The following TACC2 variants were observed in gnomAD, a reference collection of about 807,000 sequenced individuals.
TACC2 encodes the protein transforming acidic coiled-coil-containing protein 2.
Under a neutral mutation model 227.3 loss-of-function variants are expected in TACC2, and 137 were observed. The ratio of observed to expected loss-of-function variants is 0.60; its 90% CI spans 0.52 to 0.69. The LOEUF (loss-of-function observed/expected upper bound fraction) is 0.69, where lower values mean the gene tolerates loss of function less well. Among genes scored for constraint, TACC2 ranks in the 30% least tolerant of loss-of-function variants. TACC2 has a pLI of 0.00. For missense variants in TACC2, 3,470 were observed against 3,694.4 expected, an observed-to-expected ratio of 0.94 and a Z score of 1.57; for synonymous variants, 1,523 against 1,487.5, an observed-to-expected ratio of 1.02 and a Z score of -0.55.
rs773254764 is a variant in TACC2, at chr10:122,195,119, C to T, written c.5914C>T (p.Pro1972Ser). The change falls in exon 8 of 23, where the codon CCC (proline) becomes TCC (serine). Residue 1972 changes from proline (P) to serine (S), a missense_variant. Pro to Ser is a moderately conservative substitution (Grantham distance 74, BLOSUM62 -1). Transcript: ENST00000369005. The part of the protein sequence containing the change: ...VKAPPAPPPP[P>S]PEVIPEPEVS... ...AGCTCCGCCAGCTCCACCCCCACCA[C>T]CCCCCGAAGTCATCCCAGAACCCGA... 4 of 1,612,140 alleles carry T rather than the reference C, an allele frequency of 2.5e-6. No individual in the cohort carries two copies. The highest frequency in any genetic ancestry group is 3.4e-6 in the Non-Finnish European group (4 of 1,178,858).
At chr10:122,061,932 C>T (rs1305567513) in intron 3 of TACC2, among the ~76,000 whole-genome samples, 1 of 151,452 alleles carries the variant, frequency 6.6e-6, no homozygotes, top group Admixed American at 6.6e-5. Context: ...AAAAGACAGT[C>T]CCAGGCAGAG....
chr10:122,131,177 C>CAA (rs10572276), intron 5 of TACC2, among the ~76,000 whole-genome samples: 993 of 95,264 alleles, frequency 0.01, 15 homozygotes, highest in African/African-American at 0.036. Flanking sequence ...GACGCTTTCT[C>CAA]AAAAAAAAAA....
At chr10:122,153,920 C>T (rs1214648543) in intron 7 of TACC2, among the ~76,000 whole-genome samples, 1 of 152,170 alleles carries the variant, frequency 6.6e-6, no homozygotes, top group Non-Finnish European at 1.5e-5. Context: ...GAGCAACCAA[C>T]CTGTCTTCCT....
At chr10:122,034,927 CAA>C (rs66566854) in intron 2 of TACC2, among the ~76,000 whole-genome samples, 47,997 of 115,698 alleles carry the variant, frequency 0.41, 8,300 homozygotes, top group South Asian at 0.51. Flanking sequence ...GACTCCATCT[CAA>C]AAAAAAAAAA....
At chr10:122,160,003 A>G (rs2092723099) in intron 7 of TACC2, among the ~76,000 whole-genome samples, 1 of 152,238 alleles carries the variant, frequency 6.6e-6, no homozygotes, top group South Asian at 2.1e-4. Flanking sequence ...CCTCTGTGGG[A>G]CTGAAGAGGC....
Position 122,050,629 on chromosome 10 carries a change from C to A in TACC2, c.146+79C>A. 2 of 1,215,466 alleles carry A rather than the reference C, an allele frequency of 1.6e-6. No individual in the cohort carries two copies. Among genetic ancestry groups the A allele is most frequent in the Non-Finnish European group, 2.4e-6 (2 of 839,628 alleles). 75.3% of individuals were successfully genotyped at this position (1,215,466 alleles called of 1,614,324 possible). On this transcript the variant is annotated intron_variant, in intron 3 of 22. Transcript: ENST00000369005. The surrounding 1 kb of genome is among the most constrained non-coding windows in gnomAD (Gnocchi z 4.6). ...GCCTGCTCCAGCATTAGCTTTGCCC[C>A]ATTTGCTTTGGAAACTGGACCCTTA...
intron 8 of TACC2, among the ~76,000 whole-genome samples, chr10:122,195,784 G>A (rs2094547803): frequency 1.3e-5 from 2 of 152,170 alleles, no homozygotes; most frequent in African/African-American, 4.8e-5. Context: ...GCGCCTCCCA[G>A]TTACACCAGC....
chr10:122,077,530 T>G (rs1225422240), intron 3 of TACC2, among the ~76,000 whole-genome samples: 2 of 151,976 alleles, frequency 1.3e-5, no homozygotes, highest in Non-Finnish European at 2.9e-5. Flanking sequence ...GATGCATGGC[T>G]GGGGAGCTTC....
rs539844329 is a variant in TACC2 at position 122,119,444 on chromosome 10, G to A, written c.5574-13165G>A. On this transcript the variant is annotated intron_variant, in intron 5 of 22. Coordinates refer to ENST00000369005, the MANE Select transcript of TACC2 (RefSeq NM_206862.4). ...GTGCCCAGTGTTCTGGTGAGTCAGC[G>A]CACCTGTGGATTTGGTGCACTGGCT... 4.6e-5 allele frequency among the ~76,000 whole-genome samples: 7 copies of A among 152,258 alleles called. No homozygotes were observed. In the South Asian group the frequency reaches 6.2e-4, roughly 14 times the overall value.
chr10:122,119,269 A>G (rs1422207624), intron 5 of TACC2, among the ~76,000 whole-genome samples: 3 of 152,184 alleles, frequency 2.0e-5, no homozygotes, highest in African/African-American at 7.2e-5. Flanking sequence ...CTGAAGCTCA[A>G]AGAGGTTAAT....
At chr10:122,216,240 C>T (rs2095403128) in intron 10 of TACC2, among the ~76,000 whole-genome samples, 1 of 152,168 alleles carries the variant, frequency 6.6e-6, no homozygotes, top group African/African-American at 2.4e-5. Context: ...CCTTTTTCTG[C>T]CTCCAGGGAC....
chr10:122,226,419 T>G lies in TACC2; in HGVS notation c.7662T>G (p.Ser2554=). The change falls in exon 13 of 23, where the codon TCT becomes TCG. Residue 2554 remains serine (S), a synonymous_variant. Coordinates refer to ENST00000369005, the MANE Select transcript of TACC2 (RefSeq NM_206862.4). ...KQALYLMFDT[S]QESPVKSSPV... is the part of the protein sequence containing the mutation. ...CCTTGTACCTTATGTTTGACACTTC[T>G]CAGGAGAGCCCTGTCAAGTCATCTC... is the stretch of plus-strand genomic sequence containing the variant. 1 of 1,614,080 alleles carries G rather than the reference T, an allele frequency of 6.2e-7. No homozygotes were observed. The highest frequency in any genetic ancestry group is 8.5e-7 in the Non-Finnish European group (1 of 1,180,010).
At chr10:122,017,990 C>T (rs1245741024) in intron 1 of TACC2, among the ~76,000 whole-genome samples, 2 of 132,338 alleles carry the variant, frequency 1.5e-5, no homozygotes, top group Non-Finnish European at 3.1e-5. Context: ...AGACCTCATT[C>T]GTTTTATTTA....
rs1391736896 is a variant in TACC2, at chr10:122,087,884, C to G, written c.5384C>G (p.Ser1795Cys). ...IPAGDGKVCV[S>C]SPPEPDETHD... The stretch of plus-strand genomic sequence containing the variant: ...GCTGGGGATGGGAAGGTGTGCGTCT[C>G]CTCACCTCCAGAGCCTGACGAAACT... Residue 1795 changes from serine to cysteine, a missense_variant, in exon 4 of 23, where the codon TCC (serine) becomes TGC (cysteine). Around this residue, in one of 10 missense-constraint regions of TACC2, gnomAD observed 1,924 missense variants for 1,978.3 expected, o/e 0.97. Transcript: ENST00000369005. 6.6e-7 allele frequency: 1 copy of G among 1,518,030 alleles called. No individual in the cohort carries two copies. The highest frequency in any genetic ancestry group is 8.8e-7 in the Non-Finnish European group (1 of 1,134,202). The allele number at this position is 1,518,030 out of a possible 1,614,324, so 94.0% of individuals were successfully genotyped here.
At chr10:122,236,399 G>A (rs894261353) in intron 16 of TACC2, among the ~76,000 whole-genome samples, 44 of 152,164 alleles carry the variant, frequency 2.9e-4, no homozygotes, top group Non-Finnish European at 8.8e-5. Context: ...GTAGAGGTTC[G>A]CTGGGCAGCC....
At chr10:122,131,685 C>A (rs1476734043) in intron 5 of TACC2, among the ~76,000 whole-genome samples, 1 of 152,268 alleles carries the variant, frequency 6.6e-6, no homozygotes, top group Non-Finnish European at 1.5e-5. Flanking sequence ...TGAACCTGTC[C>A]TTTTATTATT....
At chr10:122,199,675 GA>G (rs1411267899) in intron 8 of TACC2, among the ~76,000 whole-genome samples, 1 of 152,174 alleles carries the variant, frequency 6.6e-6, no homozygotes, top group Non-Finnish European at 1.5e-5. Context: ...GACAGCTGAT[GA>G]CAGCACACTG....
intron 8 of TACC2, among the ~76,000 whole-genome samples, chr10:122,201,266 T>C (rs75657093): frequency 5.9e-5 from 7 of 117,904 alleles, no homozygotes; most frequent in African/African-American, 1.1e-4. Context: ...CCACCTCACC[T>C]GCCCACAGTG....
Position 122,254,150 on chromosome 10 carries a change from A to G in TACC2, c.*94A>G, listed in dbSNP as rs775580610. On this transcript the variant is annotated 3_prime_UTR_variant, in exon 23 of 23. Coordinates refer to ENST00000369005, the MANE Select transcript of TACC2 (RefSeq NM_206862.4). ...AGTTCCATGGACAGGTTCTGTTTTC[A>G]CTTTTTCGTATGCACTACTGTATTT... 18 of 1,032,520 alleles carry G rather than the reference A, an allele frequency of 1.7e-5. No individual in the cohort carries two copies. In the East Asian group the frequency reaches 2.6e-4, roughly 15 times the overall value. 64.0% of individuals were successfully genotyped at this position (1,032,520 alleles called of 1,614,324 possible). A position where few individuals can be genotyped will look rare whatever the true frequency, so the allele number is the denominator to read the frequency against.
Sources: allele counts gnomAD v4.1 joint callset (sites outside exome capture counted in the v4.1 genomes callset), GRCh38; gene constraint gnomAD v4.1.1; regional missense constraint gnomAD v4.1.1; non-coding constraint Gnocchi (gnomAD v3.1); transcripts MANE v1.5; gene names NCBI Gene and HGNC (gene_info 2026-07-23, HGNC 2026-07-21).